The following TET1 variants were observed in gnomAD, a reference collection of about 807,000 sequenced individuals.
TET1 encodes the protein tet methylcytosine dioxygenase 1, also known as methylcytosine dioxygenase TET1.
In TET1, 13 loss-of-function variants were observed where a neutral mutation model predicts 148.7. The ratio of observed to expected loss-of-function variants is 0.09; its 90% CI spans 0.06 to 0.14. The LOEUF is 0.14. Among genes scored for constraint, TET1 ranks in the 10% least tolerant of loss-of-function variants. TET1 has a pLI of 1.00. For missense variants in TET1, 2,182 were observed against 2,553.8 expected (o/e 0.85, Z 3.14); for synonymous variants, 907 against 937.2 (o/e 0.97, Z 0.59).
At chr10:68,611,968 A>T (rs1754676944) in intron 3 of TET1, among the ~76,000 whole-genome samples, 1 of 151,950 alleles carries the variant, frequency 6.6e-6, no homozygotes. Context: ...CTCTTGGTAT[A>T]TTCACTTGAT....
At chr10:68,625,498 G>C (rs1186141513) in intron 3 of TET1, among the ~76,000 whole-genome samples, 2 of 152,168 alleles carry the variant, frequency 1.3e-5, no homozygotes, top group East Asian at 3.9e-4. Flanking sequence ...ACTTGGCAAC[G>C]TTCCACAGAG....
At chr10:68,620,962 A>G (rs2054361644) in intron 3 of TET1, among the ~76,000 whole-genome samples, 1 of 152,194 alleles carries the variant, frequency 6.6e-6, no homozygotes, top group Non-Finnish European at 1.5e-5. Context: ...AGAACTATCT[A>G]TTCATATTTA....
At chr10:68,599,613 C>T (rs763233431) in intron 2 of TET1, among the ~76,000 whole-genome samples, 4 of 152,204 alleles carry the variant, frequency 2.6e-5, no homozygotes, top group Non-Finnish European at 5.9e-5. Context: ...GTTTGTTCTA[C>T]CCCTGGCTCA....
intron 8 of TET1, among the ~76,000 whole-genome samples, chr10:68,678,876 G>A (rs1459616128): frequency 6.6e-6 from 1 of 151,810 alleles, no homozygotes; most frequent in Non-Finnish European, 1.5e-5. Flanking sequence ...GCCTGTAATA[G>A]TAAAATAATA....
rs71470530 is a variant in TET1 at position 68,595,612 on chromosome 10, C to CTTT, written c.1915-5349_1915-5347dup. Reference sequence around the variant, plus strand: ...CACAACACACACACACACACAGCTTCTTTTTTTTTTTTTTTTTTTTTTGAG... The same window carrying CTTT: ...CACAACACACACACACACACAGCTTCTTTTTTTTTTTTTTTTTTTTTTTTTGAG... On this transcript the variant is annotated intron_variant, in intron 2 of 11. Transcript: ENST00000373644. Among the ~76,000 whole-genome samples, 735 of 76,246 alleles carry CTTT rather than the reference C, an allele frequency of 9.6e-3. 15 individuals are homozygous for CTTT. Among genetic ancestry groups the CTTT allele is most frequent in the African/African-American group, 0.016 (319 of 19,604 alleles). 50.0% of individuals were successfully genotyped at this position (76,246 alleles called of 152,430 possible).
At chr10:68,587,210 A>G (rs2053870974) in intron 2 of TET1, among the ~76,000 whole-genome samples, 1 of 152,144 alleles carries the variant, frequency 6.6e-6, no homozygotes, top group Admixed American at 6.6e-5. Flanking sequence ...TATACAGCTC[A>G]TTTTCATATC....
At chr10:68,635,618 T>C (rs2054638532) in intron 3 of TET1, among the ~76,000 whole-genome samples, 1 of 152,014 alleles carries the variant, frequency 6.6e-6, no homozygotes, top group Non-Finnish European at 1.5e-5. Flanking sequence ...ATCACCAGAG[T>C]TGGTTATTAA....
rs2053689839 is a variant in TET1, at chr10:68,573,121, C to T, written c.783C>T (p.Thr261=). 6.2e-7 allele frequency: 1 copy of T among 1,614,030 alleles called. No homozygotes were observed. Among genetic ancestry groups the T allele is most frequent in the African/African-American group, 1.3e-5 (1 of 74,912 alleles). The change falls in exon 2 of 12, where the codon ACC becomes ACT. Residue 261 remains threonine (T), a synonymous_variant. Transcript: ENST00000373644. ...CCCAAAGAGCAACCCCCAAAGTTAC[C>T]TCTCAAGGAAACCCCAGCATTCAGT... is the stretch of plus-strand genomic sequence containing the variant. ...PFPQRATPKV[T]SQGNPSIQLE...
Position 68,644,936 on chromosome 10 carries a change from C to T in TET1, c.2207C>T (p.Ser736Leu), listed in dbSNP as rs756914683. The change falls in exon 4 of 12, where the codon TCG (serine) becomes TTG (leucine). Residue 736 changes from serine (S) to leucine (L), a missense_variant. Physicochemically the swap from Ser to Leu is moderately radical, Grantham distance 145. Around this residue, in one of 11 missense-constraint regions of TET1, gnomAD observed 226 missense variants for 307.4 expected, o/e 0.74. Coordinates refer to ENST00000373644, the MANE Select transcript of TET1 (RefSeq NM_030625.3). ...FSANVPEAEK[S>L]KNSEVDKKRT... ...GCTAATGTCCCAGAAGCTGAAAAAT[C>T]GAAAAACTCTGAAGTTGACAAGAAA... is the stretch of plus-strand genomic sequence containing the variant. 9.3e-6 allele frequency: 15 copies of T among 1,611,224 alleles called. No homozygotes were observed. Among genetic ancestry groups the T allele is most frequent in the Admixed American group, 5.0e-5 (3 of 59,458 alleles).
intron 3 of TET1, among the ~76,000 whole-genome samples, chr10:68,640,540 C>CT (rs2054731047): frequency 2.7e-5 from 2 of 73,614 alleles, no homozygotes; most frequent in Non-Finnish European, 5.4e-5. Context: ...TTCTTTCTTT[C>CT]TTTCTTTTTT....
At chr10:68,652,657 T>C in intron 6 of TET1, 63 bp downstream of exon 6, 1 of 1,094,720 alleles carries the variant, frequency 9.1e-7, no homozygotes, top group South Asian at 1.4e-5. Context: ...TATTTATACA[T>C]TTACAATAGC....
Position 68,646,688 on chromosome 10 carries a change from G to A in TET1, c.3959G>A (p.Arg1320Gln), listed in dbSNP as rs781773145. ...GTGATGGCAGGCGATGACCAAATAC[G>A]GTTTCAGCAGGTTGTTAAGGAGCAA... The part of the protein sequence containing the change: ...ANVMAGDDQI[R>Q]FQQVVKEQLM... Residue 1320 changes from arginine (R) to glutamine (Q), a missense_variant, in exon 4 of 12, where the codon CGG becomes CAG. By Grantham distance (43) the Arg-to-Gln change is conservative (BLOSUM62 1). This residue lies in a region of TET1 where 582 missense variants were observed against 599.5 expected (regional missense o/e 0.97). Transcript: ENST00000373644. The A allele has an allele frequency of 3.1e-5, 50 of 1,613,964 alleles. No homozygotes were observed. The South Asian group carries it at 3.7e-4, about 12-fold the overall frequency.
At chr10:68,624,659 TC>T (rs1309720966) in intron 3 of TET1, among the ~76,000 whole-genome samples, 10 of 94,072 alleles carry the variant, frequency 1.1e-4, no homozygotes, top group African/African-American at 3.3e-4. Flanking sequence ...TTTCTTTCTT[TC>T]TCTCTCTCTC....
chr10:68,667,637 A>G (rs970794122), intron 7 of TET1, among the ~76,000 whole-genome samples: 1 of 151,880 alleles, frequency 6.6e-6, no homozygotes, highest in Non-Finnish European at 1.5e-5. Flanking sequence ...CCAGCTACTC[A>G]GGAGGCTGAG....
intron 3 of TET1, among the ~76,000 whole-genome samples, chr10:68,610,156 G>A (rs577150819): frequency 6.6e-5 from 10 of 152,086 alleles, no homozygotes; most frequent in South Asian, 2.1e-4. Flanking sequence ...GGTGGCGGGC[G>A]CCTGTAGTCC....
chr10:68,628,604 G>C (rs751611693), intron 3 of TET1, among the ~76,000 whole-genome samples: 5 of 152,062 alleles, frequency 3.3e-5, no homozygotes, highest in Non-Finnish European at 7.4e-5. Context: ...TAAAGGGAGG[G>C]GTGCTTAGTT....
At chr10:68,617,965 A>G (rs2054319366) in intron 3 of TET1, among the ~76,000 whole-genome samples, 1 of 148,246 alleles carries the variant, frequency 6.7e-6, no homozygotes, top group South Asian at 2.1e-4. Flanking sequence ...TCTGTTGTCC[A>G]TGCTGGTGTG....
At chr10:68,564,894 G>A (rs971974872) in intron 1 of TET1, among the ~76,000 whole-genome samples, 3 of 152,092 alleles carry the variant, frequency 2.0e-5, no homozygotes, top group African/African-American at 7.2e-5. Context: ...ATGGTGGCCT[G>A]TGCTTGTAAT....
chr10:68,620,201 T>C (rs2054350800), intron 3 of TET1, among the ~76,000 whole-genome samples: 1 of 152,062 alleles, frequency 6.6e-6, no homozygotes, highest in East Asian at 1.9e-4. Context: ...ATAAATAAAA[T>C]AAAGTGTACA....
Sources: allele counts gnomAD v4.1 joint callset (sites outside exome capture counted in the v4.1 genomes callset), GRCh38; gene constraint gnomAD v4.1.1; regional missense constraint gnomAD v4.1.1; transcripts MANE v1.5; gene names NCBI Gene and HGNC (gene_info 2026-07-23, HGNC 2026-07-21).